The following MME variants were observed in gnomAD, a reference collection of about 807,000 sequenced individuals.
MME encodes neprilysin.
MME carries 98 observed loss-of-function variants against 113.2 expected under a neutral mutation model. That is an observed-to-expected ratio of 0.87 (90% CI 0.74 to 1.02). The LOEUF (loss-of-function observed/expected upper bound fraction) is 1.02, where lower values mean the gene tolerates loss of function less well. Ranked by LOEUF, MME falls within the 50% of genes least tolerant of loss-of-function variation. MME has a pLI of 0.00. For synonymous variants in MME, 292 were observed against 300.6 expected (o/e 0.97, Z 0.30); for missense variants, 836 against 896.0 (o/e 0.93, Z 0.86).
intron 1 of MME, among the ~76,000 whole-genome samples, chr3:155,042,159 G>A (rs1171892570): frequency 2.0e-5 from 3 of 152,092 alleles, no homozygotes; most frequent in Non-Finnish European, 4.4e-5. Flanking sequence ...AAACACTCAG[G>A]AACTCAGAGT....
At chr3:155,170,691 G>A (rs1006265318) in intron 20 of MME, among the ~76,000 whole-genome samples, 1 of 152,088 alleles carries the variant, frequency 6.6e-6, no homozygotes, top group African/African-American at 2.4e-5. Context: ...ATGACCATCT[G>A]TAATCTCTGA....
At chr3:155,041,558 A>G (rs779319869) in intron 1 of MME, among the ~76,000 whole-genome samples, 1 of 152,208 alleles carries the variant, frequency 6.6e-6, no homozygotes, top group Non-Finnish European at 1.5e-5. Context: ...CTAATAAGAA[A>G]GAGCAATCAA....
chr3:155,031,845 G>T (rs1396522865), intron 1 of MME, among the ~76,000 whole-genome samples: 1 of 152,198 alleles, frequency 6.6e-6, no homozygotes, highest in Non-Finnish European at 1.5e-5. Context: ...TTTTAGTAGA[G>T]ACGGGATTTT....
intron 3 of MME, among the ~76,000 whole-genome samples, chr3:155,097,665 A>G (rs1716853831): frequency 6.6e-6 from 1 of 152,224 alleles, no homozygotes. Flanking sequence ...CTAGGGAGAA[A>G]GAAGCCAAGA....
At chr3:155,059,620 G>A (rs779944120) in intron 1 of MME, among the ~76,000 whole-genome samples, 10 of 151,770 alleles carry the variant, frequency 6.6e-5, no homozygotes, top group East Asian at 5.8e-4. Flanking sequence ...AGAAACTATC[G>A]GCCTATTTCA....
intron 16 of MME, among the ~76,000 whole-genome samples, chr3:155,150,429 A>G (rs1310518894): frequency 6.6e-6 from 1 of 152,206 alleles, no homozygotes. Flanking sequence ...AATAGCACAC[A>G]TGCTTCAGTA....
chr3:155,167,668 A>G (rs1033297358), intron 18 of MME, among the ~76,000 whole-genome samples: 4 of 152,208 alleles, frequency 2.6e-5, no homozygotes, highest in Non-Finnish European at 5.9e-5. Flanking sequence ...CTTAATCCCC[A>G]TTTTAGAGAG....
At chr3:155,056,675 T>C (rs1713940828) in intron 1 of MME, among the ~76,000 whole-genome samples, 1 of 152,056 alleles carries the variant, frequency 6.6e-6, no homozygotes, top group Non-Finnish European at 1.5e-5. Flanking sequence ...TGATTTATAG[T>C]CCTTTGGGGA....
At chr3:155,069,795 A>G in intron 1 of MME, among the ~76,000 whole-genome samples, 1 of 152,184 alleles carries the variant, frequency 6.6e-6, no homozygotes, top group East Asian at 1.9e-4. Context: ...TGGACTAGGA[A>G]TAGGCTCCAT....
chr3:155,077,650 A>G (rs1455101376), upstream of MME, among the ~76,000 whole-genome samples: 1 of 152,036 alleles, frequency 6.6e-6, no homozygotes, highest in African/African-American at 2.4e-5. Context: ...CTGAGGCTGA[A>G]GGATTGCTTG....
intron 3 of MME, among the ~76,000 whole-genome samples, chr3:155,108,822 T>C (rs895123145): frequency 2.0e-5 from 3 of 152,114 alleles, no homozygotes; most frequent in African/African-American, 7.2e-5. Flanking sequence ...AATATTAAGA[T>C]AGTTGTTGTG....
chr3:155,028,561 A>G (rs1336480840), intron 1 of MME, among the ~76,000 whole-genome samples: 1 of 152,202 alleles, frequency 6.6e-6, no homozygotes, highest in Non-Finnish European at 1.5e-5. Flanking sequence ...GGCTAGCCAC[A>G]CTTTATAGAT....
intron 1 of MME, among the ~76,000 whole-genome samples, chr3:155,073,084 A>G (rs561098048): frequency 6.6e-6 from 1 of 152,208 alleles, no homozygotes; most frequent in South Asian, 2.1e-4. Context: ...ACAAGGGCAA[A>G]TTTTTCCGAG....
intron 1 of MME, among the ~76,000 whole-genome samples, chr3:155,057,428 A>T (rs1418662844): frequency 6.6e-6 from 1 of 152,124 alleles, no homozygotes; most frequent in Non-Finnish European, 1.5e-5. Flanking sequence ...AATGGCAATC[A>T]TTAAAAAGTC....
intron 1 of MME, chr3:155,081,747 G>T (rs1424251639): frequency 6.6e-6 from 1 of 151,762 alleles, no homozygotes; most frequent in Non-Finnish European, 1.5e-5. Context: ...TCCAGATACT[G>T]TCCCCTGATG....
intron 9 of MME, 82 bp from the exon 10 acceptor site, chr3:155,140,109 C>A: frequency 1.1e-6 from 1 of 900,158 alleles, no homozygotes. Context: ...TGTACCTATC[C>A]TATATTTTTA....
chr3:155,039,532 A>G (rs556451839), intron 1 of MME, among the ~76,000 whole-genome samples: 2 of 152,164 alleles, frequency 1.3e-5, no homozygotes, highest in Non-Finnish European at 2.9e-5. Flanking sequence ...CTAATAACAT[A>G]GTTGGAAAAG....
chr3:155,139,618 T>C (rs1474105662), intron 9 of MME, among the ~76,000 whole-genome samples: 1 of 152,224 alleles, frequency 6.6e-6, no homozygotes, highest in African/African-American at 2.4e-5. Flanking sequence ...TGGATGCTGC[T>C]GGTCTGGCAG....
intron 1 of MME, among the ~76,000 whole-genome samples, chr3:155,054,748 C>T (rs1484886338): frequency 7.2e-5 from 11 of 152,082 alleles, no homozygotes; most frequent in South Asian, 6.2e-4. Flanking sequence ...ACCCAGGAGG[C>T]GGAGGTTGCA....
Sources: allele counts gnomAD v4.1 joint callset (sites outside exome capture counted in the v4.1 genomes callset), GRCh38; gene constraint gnomAD v4.1.1; transcripts MANE v1.5; gene names NCBI Gene and HGNC (gene_info 2026-07-23, HGNC 2026-07-21).